PTPRD: variants seen among roughly 807,000 people sequenced by gnomAD.
The protein encoded by PTPRD is receptor-type tyrosine-protein phosphatase delta.
PTPRD carries 34 observed loss-of-function variants against 214.5 expected under a neutral mutation model. The ratio of observed to expected loss-of-function variants is 0.16; its 90% confidence interval spans 0.12 to 0.21. The LOEUF (loss-of-function observed/expected upper bound fraction) is 0.21, where lower values mean the gene tolerates loss of function less well. PTPRD is among the 10% of genes least tolerant of loss of function. The pLI is 1.00. For synonymous variants in PTPRD, 1,128 were observed against 845.7 expected, an observed-to-expected ratio of 1.33 and a Z score of -5.79; for missense variants, 2,545 against 2,398.7, an observed-to-expected ratio of 1.06 and a Z score of -1.27.
At chr9:9,543,233 G>T (rs1235955735) in intron 8 of PTPRD, among the ~76,000 whole-genome samples, 1 of 151,592 alleles carries the variant, frequency 6.6e-6, no homozygotes, top group Non-Finnish European at 1.5e-5. Flanking sequence ...CCATTTACAT[G>T]AATTTTAAGA....
At chr9:9,203,445 C>G (rs997735841) in intron 9 of PTPRD, among the ~76,000 whole-genome samples, 2 of 152,116 alleles carry the variant, frequency 1.3e-5, no homozygotes, top group African/African-American at 2.4e-5. Flanking sequence ...CTGTTTTTCA[C>G]ATCATCATCT....
intron 14 of PTPRD, among the ~76,000 whole-genome samples, chr9:8,563,528 A>G (rs757518794): frequency 6.9e-6 from 1 of 144,544 alleles, no homozygotes; most frequent in African/African-American, 2.6e-5. Context: ...ACCTCTGCTC[A>G]TGGGTTCAAG....
intron 14 of PTPRD, among the ~76,000 whole-genome samples, chr9:8,546,839 G>A (rs1165367706): frequency 6.6e-6 from 1 of 152,146 alleles, no homozygotes; most frequent in Non-Finnish European, 1.5e-5. Flanking sequence ...TGTTATTTAT[G>A]TTATGGACAT....
At chr9:9,403,508 C>T (rs1027260763) in intron 8 of PTPRD, among the ~76,000 whole-genome samples, 50 of 151,764 alleles carry the variant, frequency 3.3e-4, no homozygotes, top group African/African-American at 1.1e-3. Flanking sequence ...ACTCTCCACA[C>T]CTCCATGCAC....
chr9:8,608,102 G>C (rs1471577311), intron 14 of PTPRD, among the ~76,000 whole-genome samples: 2 of 148,910 alleles, frequency 1.3e-5, no homozygotes, highest in East Asian at 3.9e-4. Flanking sequence ...GCTGAGAATA[G>C]GACACAGTAT....
chr9:10,020,537 A>G (rs2154119104), intron 4 of PTPRD, among the ~76,000 whole-genome samples: 1 of 103,674 alleles, frequency 9.6e-6, no homozygotes, highest in Admixed American at 1.1e-4. Flanking sequence ...GCTTGACTTC[A>G]TGATCCTTTT....
At chr9:10,483,514 T>G (rs1056635441) in intron 2 of PTPRD, among the ~76,000 whole-genome samples, 2 of 151,620 alleles carry the variant, frequency 1.3e-5, no homozygotes, top group African/African-American at 4.8e-5. Context: ...AAAAAAAAAT[T>G]GTCAACTCTG....
intron 3 of PTPRD, among the ~76,000 whole-genome samples, chr9:10,039,722 CT>C (rs33973561): frequency 0.024 from 3,684 of 151,084 alleles, 162 homozygotes; most frequent in African/African-American, 0.084. Flanking sequence ...AATTCTAAGA[CT>C]TTTTTTTATT....
intron 7 of PTPRD, among the ~76,000 whole-genome samples, chr9:9,644,883 C>G (rs572333028): frequency 9.9e-5 from 15 of 152,270 alleles, no homozygotes; most frequent in Non-Finnish European, 1.6e-4. Context: ...AGCTTCCCAT[C>G]CCACTGAGTG....
intron 2 of PTPRD, among the ~76,000 whole-genome samples, chr9:10,490,004 G>A (rs1360125822): frequency 6.6e-6 from 1 of 152,114 alleles, no homozygotes; most frequent in African/African-American, 2.4e-5. Flanking sequence ...AAGGCGCATT[G>A]TTTTGTGTTT....
intron 11 of PTPRD, among the ~76,000 whole-genome samples, chr9:8,779,339 T>A (rs1275830427): frequency 6.6e-6 from 1 of 151,906 alleles, no homozygotes; most frequent in Non-Finnish European, 1.5e-5. Flanking sequence ...ACCCAGCCCC[T>A]CCTTTAGAGA....
At chr9:9,738,439 C>CTTTTTTTTTTTTTTTTT (rs71319292) in intron 6 of PTPRD, among the ~76,000 whole-genome samples, 1 of 76,510 alleles carries the variant, frequency 1.3e-5, no homozygotes, top group Non-Finnish European at 2.3e-5. Context: ...CACTCACTCA[C>CTTTTTTTTTTTTTTTTT]TTTTTTTTTT....
chr9:10,468,781 G>T (rs550587702), intron 2 of PTPRD, among the ~76,000 whole-genome samples: 2 of 152,144 alleles, frequency 1.3e-5, no homozygotes. Flanking sequence ...CATATATAAG[G>T]TATTATGAGC....
At chr9:9,792,149 TTTTCACAGC>T (rs2098972460) in intron 5 of PTPRD, among the ~76,000 whole-genome samples, 1 of 152,200 alleles carries the variant, frequency 6.6e-6, no homozygotes, top group Non-Finnish European at 1.5e-5. Context: ...CTCTTTATTT[TTTTCACAGC>T]TTTTCAGTGT....
intron 11 of PTPRD, among the ~76,000 whole-genome samples, chr9:8,900,750 T>A (rs1482702413): frequency 6.6e-6 from 1 of 152,192 alleles, no homozygotes; most frequent in East Asian, 1.9e-4. Context: ...AAATTAGCAC[T>A]GAACACACAT....
chr9:9,469,595 C>T (rs1044057713), intron 8 of PTPRD, among the ~76,000 whole-genome samples: 1 of 152,112 alleles, frequency 6.6e-6, no homozygotes, highest in Non-Finnish European at 1.5e-5. Flanking sequence ...ATGAAAAGGC[C>T]TATTGAGTGC....
chr9:8,630,187 C>T lies in PTPRD; in HGVS notation c.352+3130G>A, dbSNP rs184068316. ...GGAGAAAGTAAATGATCCACGTGGA[C>T]GAAATGGGAATCTAATGAGGCCACT... On this transcript the variant is annotated intron_variant, in intron 14 of 45. Transcript: ENST00000381196. 5.9e-3 allele frequency among the ~76,000 whole-genome samples: 895 copies of T among 151,728 alleles called. 9 individuals carry two copies. The highest frequency in any genetic ancestry group is 7.5e-3 in the Non-Finnish European group (508 of 67,818).
At chr9:9,413,416 C>T (rs1273875839) in intron 8 of PTPRD, among the ~76,000 whole-genome samples, 1 of 152,122 alleles carries the variant, frequency 6.6e-6, no homozygotes, top group Non-Finnish European at 1.5e-5. Flanking sequence ...GCCCGGCCTG[C>T]AGCTTCTTAT....
chr9:10,600,896 A>G (rs904979285), intron 2 of PTPRD, among the ~76,000 whole-genome samples: 1 of 151,838 alleles, frequency 6.6e-6, no homozygotes, highest in African/African-American at 2.4e-5. Context: ...AAAATATGAG[A>G]CAGCCTCTCC....
Sources: allele counts gnomAD v4.1 joint callset (sites outside exome capture counted in the v4.1 genomes callset), GRCh38; gene constraint gnomAD v4.1.1; transcripts MANE v1.5; gene names NCBI Gene and HGNC (gene_info 2026-07-23, HGNC 2026-07-21).